The following SLC25A28 variants were observed in gnomAD, a reference collection of about 807,000 sequenced individuals.
SLC25A28 encodes the protein solute carrier family 25 member 28.
A neutral mutation model predicts 31.9 loss-of-function variants in SLC25A28; 10 were observed. The ratio of observed to expected loss-of-function variants is 0.31; its 90% CI spans 0.19 to 0.53. SLC25A28 has a LOEUF of 0.53. Ranked by LOEUF, SLC25A28 falls within the 20% of genes least tolerant of loss-of-function variation. The pLI is 0.95. For missense variants in SLC25A28, 256 were observed against 490.3 expected (o/e 0.52, Z 4.51); for synonymous variants, 208 against 203.6 (o/e 1.02, Z -0.19).
the SLC25A28 span, among the ~76,000 whole-genome samples, chr10:99,653,395 T>C: frequency 1.3e-5 from 2 of 152,134 alleles, no homozygotes; most frequent in Non-Finnish European, 2.9e-5. Flanking sequence ...TGGAAAGATA[T>C]CTCCTAGTTC....
the SLC25A28 span, among the ~76,000 whole-genome samples, chr10:99,632,159 G>A: frequency 1.3e-5 from 2 of 151,558 alleles, no homozygotes; most frequent in Admixed American, 1.3e-4. Context: ...GCCTCCCAAA[G>A]TGCTGGGATT....
At chr10:99,633,654 G>C in the SLC25A28 span, among the ~76,000 whole-genome samples, 2 of 135,136 alleles carry the variant, frequency 1.5e-5, no homozygotes, top group Non-Finnish European at 3.2e-5. Flanking sequence ...GGGCGACAGA[G>C]GGAGACTCTG....
the SLC25A28 span, among the ~76,000 whole-genome samples, chr10:99,645,670 G>A: frequency 1.3e-5 from 2 of 152,186 alleles, no homozygotes; most frequent in African/African-American, 4.8e-5. Flanking sequence ...TTCTGCTCTG[G>A]TTTCTCTCCA....
the SLC25A28 span, among the ~76,000 whole-genome samples, chr10:99,637,472 A>G: frequency 6.6e-6 from 1 of 152,114 alleles, no homozygotes; most frequent in African/African-American, 2.4e-5. Flanking sequence ...GGACATTCAA[A>G]TAGGTAAAGA....
At chr10:99,622,388 C>T (rs1312683523), upstream of SLC25A28, among the ~76,000 whole-genome samples, 1 of 152,146 alleles carries the variant, frequency 6.6e-6, no homozygotes, top group African/African-American at 2.4e-5. Context: ...CTCCTTTTCT[C>T]TAGCATATTT....
chr10:99,620,801 G>A, upstream of SLC25A28: 1 of 985,486 alleles, frequency 1.0e-6, no homozygotes, highest in Non-Finnish European at 1.2e-6. Flanking sequence ...GCTACAGAAA[G>A]AGCGACGCGC....
At chr10:99,650,553 C>CT in the SLC25A28 span, among the ~76,000 whole-genome samples, 1 of 152,012 alleles carries the variant, frequency 6.6e-6, no homozygotes, top group African/African-American at 2.4e-5. Context: ...AAAATGGTGC[C>CT]TTGGGCCTGG....
the SLC25A28 span, among the ~76,000 whole-genome samples, chr10:99,630,184 G>A: frequency 3.3e-5 from 5 of 151,962 alleles, no homozygotes; most frequent in Non-Finnish European, 5.9e-5. Flanking sequence ...GCTGGAGTGC[G>A]GTGGTACAGA....
chr10:99,620,857 A>G (rs993088647), upstream of SLC25A28: 5 of 985,350 alleles, frequency 5.1e-6, no homozygotes, highest in African/African-American at 8.7e-5. Flanking sequence ...TAGCGCCTGC[A>G]GAGCTGCGGT....
chr10:99,649,457 T>C, the SLC25A28 span, among the ~76,000 whole-genome samples: 1 of 152,246 alleles, frequency 6.6e-6, no homozygotes. Flanking sequence ...AGGATGATAC[T>C]GGCCTTGTAG....
chr10:99,659,086 C>A, the SLC25A28 span, among the ~76,000 whole-genome samples: 16 of 152,294 alleles, frequency 1.1e-4, no homozygotes, highest in Middle Eastern at 0.014. This position sits in a 1 kb window ranked among gnomAD's most constrained non-coding sequence, Gnocchi z 4.1. Flanking sequence ...GGCACAAAAC[C>A]AACAATAGGT....
At chr10:99,652,571 C>T in the SLC25A28 span, among the ~76,000 whole-genome samples, 3 of 152,062 alleles carry the variant, frequency 2.0e-5, no homozygotes, top group Non-Finnish European at 2.9e-5. Flanking sequence ...ATTCCTAGGG[C>T]CAGGAGTGGA....
rs1259978954 is a variant in SLC25A28 at position 99,620,410 on chromosome 10, T to C, written c.-75A>G. ...CCGCCGCCGCCCCCCGGCCCCGTAG[T>C]GTCCGCCTCAGGCGCGGCCCAGAGA... On this transcript the variant is annotated 5_prime_UTR_variant, in exon 1 of 4. Coordinates refer to ENST00000370495, the MANE Select transcript of SLC25A28 (RefSeq NM_031212.4). 3.3e-5 allele frequency: 34 copies of C among 1,039,510 alleles called. No homozygotes were observed. The highest frequency in any genetic ancestry group is 3.6e-5 in the Non-Finnish European group (31 of 866,656). The allele number at this position is 1,039,510 out of a possible 1,614,324, so 64.4% of individuals were successfully genotyped here.
At chr10:99,636,719 T>C in the SLC25A28 span, among the ~76,000 whole-genome samples, 8 of 152,144 alleles carry the variant, frequency 5.3e-5, no homozygotes, top group East Asian at 1.3e-3. Flanking sequence ...TGGAAAAATA[T>C]AACCCCTAGC....
In SLC25A28 at chr10:99,613,056, A is replaced by G. The variant is rs1457697700; in HGVS notation, c.521-457T>C. ...CAGAGCCTAACATTTGTCTACAAAGATCTTTCGTTCAGGTCCTGAACTACT... is the reference window on the plus strand; with the variant it reads ...CAGAGCCTAACATTTGTCTACAAAGGTCTTTCGTTCAGGTCCTGAACTACT... On this transcript the variant is annotated intron_variant, in intron 2 of 3. Coordinates refer to ENST00000370495, the MANE Select transcript of SLC25A28 (RefSeq NM_031212.4). The surrounding 1 kb of genome is among the most constrained non-coding windows in gnomAD (Gnocchi z 4.9). 1.3e-5 allele frequency among the ~76,000 whole-genome samples: 2 copies of G among 152,180 alleles called. No individual in the cohort carries two copies. The highest frequency in any genetic ancestry group is 2.4e-5 in the African/African-American group (1 of 41,438).
the SLC25A28 span, among the ~76,000 whole-genome samples, chr10:99,634,353 A>G: frequency 2.6e-5 from 4 of 152,218 alleles, no homozygotes; most frequent in Non-Finnish European, 4.4e-5. Context: ...CTAATTAGGG[A>G]GGCACCAGAG....
At position 99,610,665 on chromosome 10, in the gene SLC25A28, G is replaced by T; in HGVS notation, c.*184C>A. 4.5e-6 allele frequency: 3 copies of T among 671,704 alleles called. No individual in the cohort carries two copies. Among genetic ancestry groups the T allele is most frequent in the Non-Finnish European group, 7.5e-6 (3 of 401,000 alleles). The allele number at this position is 671,704 out of a possible 1,614,324, so 41.6% of individuals were successfully genotyped here. ...GCTTTGCTGCACGTGCTTAGGGCCT[G>T]GAAGGAAAGGTGGTGGCAACAGAGG... On this transcript the variant is annotated 3_prime_UTR_variant, in exon 4 of 4. Transcript: ENST00000370495.
At chr10:99,615,744 G>C (rs994959027) in intron 1 of SLC25A28, 2 of 985,366 alleles carry the variant, frequency 2.0e-6, no homozygotes, top group Non-Finnish European at 2.4e-6. Flanking sequence ...ATGCTGGCTA[G>C]AGCTACTAAT....
At chr10:99,615,093 G>A (rs2034615490) in intron 1 of SLC25A28, among the ~76,000 whole-genome samples, 1 of 152,162 alleles carries the variant, frequency 6.6e-6, no homozygotes, top group Middle Eastern at 3.4e-3. Flanking sequence ...GGTGGCTCAC[G>A]TCTGTAATCC....
Sources: allele counts gnomAD v4.1 joint callset (sites outside exome capture counted in the v4.1 genomes callset), GRCh38; gene constraint gnomAD v4.1.1; non-coding constraint Gnocchi (gnomAD v3.1); transcripts MANE v1.5; gene names NCBI Gene and HGNC (gene_info 2026-07-23, HGNC 2026-07-21).